The following OR9Q1 variants were observed in gnomAD, a reference collection of about 807,000 sequenced individuals.
The protein encoded by OR9Q1 is olfactory receptor family 9 subfamily Q member 1, also known as olfactory receptor 9Q1.
For missense variants in OR9Q1, 374 were observed against 378.8 expected, an observed-to-expected ratio of 0.99 and a Z score of 0.11; for synonymous variants, 153 against 148.6, an observed-to-expected ratio of 1.03 and a Z score of -0.22.
chr11:58,047,678 C>T (rs1033045967), intron 1 of OR9Q1: 8 of 150,572 alleles, frequency 5.3e-5, no homozygotes, highest in African/African-American at 2.0e-4. Flanking sequence ...TTCAGACCAG[C>T]CTGGCCAACA....
At chr11:58,118,705 G>C (rs763208748) in intron 2 of OR9Q1, 3 of 1,614,086 alleles carry the variant, frequency 1.9e-6, no homozygotes. Flanking sequence ...AAGGGCCACA[G>C]CAGTGATGTG....
At chr11:58,153,911 A>G (rs182929732) in intron 2 of OR9Q1, among the ~76,000 whole-genome samples, 6 of 152,300 alleles carry the variant, frequency 3.9e-5, no homozygotes, top group Admixed American at 3.3e-4. Context: ...TTTCTCTGGA[A>G]TTACTCTGCT....
chr11:58,156,435 T>C (rs542506242), intron 2 of OR9Q1, among the ~76,000 whole-genome samples: 1 of 152,352 alleles, frequency 6.6e-6, no homozygotes, highest in South Asian at 2.1e-4. Context: ...GCTTCAAAAC[T>C]ACTTTGTTAG....
intron 2 of OR9Q1, chr11:58,073,273 T>C: frequency 9.7e-6 from 2 of 206,412 alleles, no homozygotes; most frequent in Non-Finnish European, 2.3e-5. Context: ...CTGTGATCTA[T>C]CTACTAAAAT....
Position 58,118,598 on chromosome 11 carries a change from G to A in OR9Q1, c.-14-60833G>A, listed in dbSNP as rs764130716. 2.4e-5 allele frequency: 39 copies of A among 1,614,010 alleles called. No homozygotes were observed. The highest frequency in any genetic ancestry group is 3.3e-5 in the Non-Finnish European group (39 of 1,179,950). ...CTGTAGATCAGAGGGTTCAGCATGG[G>A]GATGACCACTGTATAGAAGACAGAC... On this transcript the variant is annotated intron_variant, in intron 2 of 2. Coordinates refer to ENST00000335397, the MANE Select transcript of OR9Q1 (RefSeq NM_001005212.4).
intron 1 of OR9Q1, chr11:58,031,911 GCAGGTGGGAACC>G (rs774281240): frequency 4.9e-5 from 77 of 1,564,516 alleles, no homozygotes; most frequent in Non-Finnish European, 2.7e-5. Context: ...CAGTGAGGAG[GCAGGTGGGAACC>G]CAGTTTCCTT....
intron 2 of OR9Q1, among the ~76,000 whole-genome samples, chr11:58,140,726 C>T (rs1324514124): frequency 6.6e-6 from 1 of 152,138 alleles, no homozygotes. Context: ...AGCGTGATGC[C>T]TCCAGCTTTG....
intron 2 of OR9Q1, among the ~76,000 whole-genome samples, chr11:58,173,216 AT>A (rs1474619089): frequency 6.6e-6 from 1 of 151,728 alleles, no homozygotes; most frequent in Non-Finnish European, 1.5e-5. Flanking sequence ...TACATGTGCC[AT>A]GTTGGTGTAC....
chr11:58,080,587 A>G (rs1853578242), intron 2 of OR9Q1, among the ~76,000 whole-genome samples: 1 of 152,120 alleles, frequency 6.6e-6, no homozygotes, highest in Non-Finnish European at 1.5e-5. Flanking sequence ...ACTGTGGCTG[A>G]ACTAATTTAC....
chr11:58,074,833 G>C (rs949387306), intron 2 of OR9Q1, among the ~76,000 whole-genome samples: 1 of 152,124 alleles, frequency 6.6e-6, no homozygotes, highest in Non-Finnish European at 1.5e-5. Flanking sequence ...TGGTTAACCA[G>C]TTTTCCCAAC....
chr11:58,031,770 A>G lies in OR9Q1; in HGVS notation c.-93+7666A>G, dbSNP rs1423855774. On this transcript the variant is annotated intron_variant, in intron 1 of 2. Transcript: ENST00000335397. ...CAGACCAAGGTGACCTCCTCCATCA[A>G]CTTCAACAAGGTGGTATCTGTCTTC... The G allele has an allele frequency of 3.7e-6, 6 of 1,613,928 alleles. No individual in the cohort carries two copies. In the South Asian group the frequency reaches 6.6e-5, roughly 18 times the overall value.
chr11:58,112,667 T>A (rs1853914120), intron 2 of OR9Q1, among the ~76,000 whole-genome samples: 1 of 152,134 alleles, frequency 6.6e-6, no homozygotes, highest in Non-Finnish European at 1.5e-5. Context: ...ACTTGCAATG[T>A]CCCAACCATG....
chr11:58,084,258 C>T (rs575484784), intron 2 of OR9Q1, among the ~76,000 whole-genome samples: 2 of 151,696 alleles, frequency 1.3e-5, no homozygotes, highest in South Asian at 4.1e-4. Context: ...GACTCCTAGC[C>T]TGGATATTAT....
intron 2 of OR9Q1, among the ~76,000 whole-genome samples, chr11:58,120,825 T>C (rs1196633702): frequency 7.1e-6 from 1 of 141,730 alleles, no homozygotes; most frequent in Non-Finnish European, 1.6e-5. Flanking sequence ...TATATATATA[T>C]ATACATATAT....
chr11:58,169,890 T>A (rs113230572), intron 2 of OR9Q1, among the ~76,000 whole-genome samples: 2,110 of 152,116 alleles, frequency 0.014, 22 homozygotes, highest in South Asian at 0.051. Flanking sequence ...ATTGCTCCTA[T>A]CTGCTGCTGC....
chr11:58,037,398 G>T (rs969058643), intron 1 of OR9Q1, among the ~76,000 whole-genome samples: 1 of 151,726 alleles, frequency 6.6e-6, no homozygotes, highest in African/African-American at 2.4e-5. Flanking sequence ...TATGTCTGGG[G>T]TATGCCTGTA....
At chr11:58,033,862 C>T (rs1311127984) in intron 1 of OR9Q1, among the ~76,000 whole-genome samples, 11 of 152,098 alleles carry the variant, frequency 7.2e-5, no homozygotes, top group Admixed American at 5.9e-4. Context: ...AAGTAAAATG[C>T]TAAGTCTCTA....
chr11:58,084,971 G>A (rs993833893), intron 2 of OR9Q1, among the ~76,000 whole-genome samples: 13 of 151,728 alleles, frequency 8.6e-5, no homozygotes, highest in African/African-American at 2.7e-4. Context: ...GAGGTAAAAG[G>A]CATCCAAACA....
chr11:58,121,737 A>G (rs1217512752), intron 2 of OR9Q1, among the ~76,000 whole-genome samples: 1 of 152,202 alleles, frequency 6.6e-6, no homozygotes, highest in East Asian at 1.9e-4. Flanking sequence ...TTGTAGCACA[A>G]CTGGGAATTT....
Sources: allele counts gnomAD v4.1 joint callset (sites outside exome capture counted in the v4.1 genomes callset), GRCh38; gene constraint gnomAD v4.1.1; transcripts MANE v1.5; gene names NCBI Gene and HGNC (gene_info 2026-07-23, HGNC 2026-07-21).